The following ARMC7 variants were observed in gnomAD, a reference collection of about 807,000 sequenced individuals.
ARMC7 encodes armadillo repeat containing 7, also known as armadillo repeat-containing protein 7.
In ARMC7, 9 loss-of-function variants were observed where a neutral mutation model predicts 14.8. The observed-to-expected ratio is 0.61, with a 90% CI of 0.37 to 1.06. The LOEUF is 1.06. Ranked by LOEUF, ARMC7 falls within the 50% of genes least tolerant of loss-of-function variation. ARMC7 has a pLI of 0.01. For synonymous variants in ARMC7, 125 were observed against 123.4 expected (o/e 1.01, Z -0.09); for missense variants, 262 against 267.1 (o/e 0.98, Z 0.13).
chr17:75,114,767 G>A (rs975463737), intron 2 of ARMC7: 2 of 397,872 alleles, frequency 5.0e-6, no homozygotes, highest in Non-Finnish European at 8.8e-6. Context: ...CTTTCTCAGC[G>A]TCGAATCCCT....
chr17:75,111,952 G>A (rs1002900102), intron 2 of ARMC7, among the ~76,000 whole-genome samples: 3 of 151,394 alleles, frequency 2.0e-5, no homozygotes, highest in African/African-American at 7.4e-5. Context: ...TTGCCCCTCA[G>A]GAGCTTACAT....
intron 2 of ARMC7, among the ~76,000 whole-genome samples, chr17:75,119,626 ATTT>A (rs71159437): frequency 6.3e-5 from 9 of 142,270 alleles, no homozygotes; most frequent in Admixed American, 7.0e-5. Context: ...TTTTTTTTGT[ATTT>A]TTTTTTTTTT....
In ARMC7 at chr17:75,110,516, A is replaced by G. The variant is rs779534057; in HGVS notation, c.145A>G (p.Asn49Asp). The change falls in exon 2 of 3, where the codon AAC becomes GAC. Residue 49 changes from asparagine (N) to aspartate (D), a missense_variant. Transcript: ENST00000245543. ...CGCCAACTTCGCTTATGACCCCAGCAACTACGAGTATCTGCGGCAGCTGCA... is the reference window on the plus strand; with the variant it reads ...CGCCAACTTCGCTTATGACCCCAGCGACTACGAGTATCTGCGGCAGCTGCA... Reference protein sequence around the residue: ...NLANFAYDPSNYEYLRQLQVL... With the variant: ...NLANFAYDPSDYEYLRQLQVL... The G allele has an allele frequency of 8.7e-6, 14 of 1,614,066 alleles. No individual in the cohort carries two copies. The highest frequency in any genetic ancestry group is 1.0e-5 in the Non-Finnish European group (12 of 1,180,012).
Position 75,127,059 on chromosome 17 carries a change from C to CAA in ARMC7, c.236-1600_236-1599dup, listed in dbSNP as rs561709280. Among the ~76,000 whole-genome samples the CAA allele has an allele frequency of 7.8e-5, 8 of 102,520 alleles. No individual in the cohort carries two copies. In the East Asian group the frequency reaches 8.8e-4, roughly 11 times the overall value. The allele number at this position is 102,520 out of a possible 152,430, so 67.3% of individuals were successfully genotyped here. Reference sequence around the variant, plus strand: ...CCTGGGCAACAGGGCAAAACTGTCTCAAAAAAAAAAAAAAAAAAAGCTGGC... The same window carrying CAA: ...CCTGGGCAACAGGGCAAAACTGTCTCAAAAAAAAAAAAAAAAAAAAAGCTGGC... On this transcript the variant is annotated intron_variant, in intron 2 of 2. Transcript: ENST00000245543.
At chr17:75,127,369 G>C (rs1336486796) in intron 2 of ARMC7, among the ~76,000 whole-genome samples, 1 of 152,118 alleles carries the variant, frequency 6.6e-6, no homozygotes, top group African/African-American at 2.4e-5. Context: ...GAATGCAGTG[G>C]TGCCATCTCG....
At chr17:75,114,397 T>C (rs1017045969) in intron 2 of ARMC7, 2 of 396,336 alleles carry the variant, frequency 5.0e-6, no homozygotes, top group African/African-American at 4.1e-5. Flanking sequence ...GAGGTCCGGG[T>C]CCACTGAGCT....
rs368397295 is a variant in ARMC7 at position 75,128,723 on chromosome 17, C to G, written c.282C>G (p.Ile94Met). 1 of 1,613,480 alleles carries G rather than the reference C, an allele frequency of 6.2e-7. No homozygotes were observed. Among genetic ancestry groups the G allele is most frequent in the African/African-American group, 1.3e-5 (1 of 74,910 alleles). ...CAGACAGGGCCAACAAGGAGCACAT[C>G]CTGCACGCAGGAGGTGTCCCACTCA... is the stretch of plus-strand genomic sequence containing the variant. ...LCPDRANKEH[I>M]LHAGGVPLII... Residue 94 changes from isoleucine to methionine, a missense_variant, in exon 3 of 3, where the codon ATC becomes ATG. Ile to Met is a conservative substitution (Grantham distance 10). Coordinates refer to ENST00000245543, the MANE Select transcript of ARMC7 (RefSeq NM_024585.4).
chr17:75,110,124 C>T lies in ARMC7; in HGVS notation c.-165C>T. The T allele has an allele frequency of 1.5e-6, 1 of 658,824 alleles. No homozygotes were observed. The highest frequency in any genetic ancestry group is 2.6e-6 in the Non-Finnish European group (1 of 391,712). 40.8% of individuals were successfully genotyped at this position (658,824 alleles called of 1,614,324 possible). The stretch of plus-strand genomic sequence containing the variant: ...CGTCCCATCTCCCATATCCCATTTC[C>T]AGCTGCAAATTACTGCAGAATCTGA... On this transcript the variant is annotated 5_prime_UTR_variant, in exon 1 of 3. Coordinates refer to ENST00000245543, the MANE Select transcript of ARMC7 (RefSeq NM_024585.4).
At chr17:75,122,209 G>A (rs112821876) in intron 2 of ARMC7, among the ~76,000 whole-genome samples, 8,995 of 151,596 alleles carry the variant, frequency 0.059, 725 homozygotes, top group African/African-American at 0.17. Context: ...GTTGACGGGC[G>A]CCTGTAATCC....
Sources: allele counts gnomAD v4.1 joint callset (sites outside exome capture counted in the v4.1 genomes callset), GRCh38; gene constraint gnomAD v4.1.1; transcripts MANE v1.5; gene names NCBI Gene and HGNC (gene_info 2026-07-23, HGNC 2026-07-21).